Variants in IFT52 observed in about 807,000 individuals in gnomAD.
IFT52 encodes the protein intraflagellar transport protein 52 homolog.
A neutral mutation model predicts 54.4 loss-of-function variants in IFT52; 44 were observed. The observed-to-expected ratio is 0.81, with a 90% CI of 0.63 to 1.04. The LOEUF is 1.04. Ranked by LOEUF, IFT52 falls within the 50% of genes least tolerant of loss-of-function variation. The pLI is 0.00. For synonymous variants in IFT52, 181 were observed against 185.3 expected (o/e 0.98, Z 0.19); for missense variants, 452 against 523.6 (o/e 0.86, Z 1.33).
chr20:43,638,920 C>T (rs1301258649), intron 12 of IFT52, among the ~76,000 whole-genome samples: 2 of 152,144 alleles, frequency 1.3e-5, no homozygotes, highest in Non-Finnish European at 2.9e-5. Context: ...GGAAACAGTT[C>T]AGTGTAAACG....
chr20:43,646,794 G>A, intron 13 of IFT52, 142 bp from the exon 14 acceptor site: 1 of 713,096 alleles, frequency 1.4e-6, no homozygotes, highest in Non-Finnish European at 2.4e-6. Flanking sequence ...TCCTTGGGTT[G>A]GATTCAGCCC....
chr20:43,593,755 G>T (rs6093859), intron 1 of IFT52, among the ~76,000 whole-genome samples: 117,983 of 151,808 alleles, frequency 0.78, 46,176 homozygotes, highest in Non-Finnish European at 0.82. Context: ...GTAGAGATGT[G>T]GTTTTATCAT....
rs1177345951 is a variant in IFT52 at position 43,645,115 on chromosome 20, T to C, written c.1267-1821T>C. Among the ~76,000 whole-genome samples the C allele has an allele frequency of 7.0e-5, 4 of 56,932 alleles. 2 individuals carry two copies. Among genetic ancestry groups the C allele is most frequent in the Non-Finnish European group, 1.7e-4 (4 of 23,878 alleles). 37.3% of individuals were successfully genotyped at this position (56,932 alleles called of 152,430 possible). A position where few individuals can be genotyped will look rare whatever the true frequency, so the allele number is the denominator to read the frequency against. ...GAGTAAGACTCAAAAAAAAAAAAGT[T>C]TAAGGACTTGGGAATACATTCGTGA... is the stretch of plus-strand genomic sequence containing the variant. On this transcript the variant is annotated intron_variant, in intron 13 of 13. Coordinates refer to ENST00000373030, the MANE Select transcript of IFT52 (RefSeq NM_016004.5).
chr20:43,624,037 C>T lies in IFT52; in HGVS notation c.915C>T (p.Ser305=), dbSNP rs6017127. 9.7e-5 allele frequency: 156 copies of T among 1,614,030 alleles called. 1 individual carries two copies. Among genetic ancestry groups the T allele is most frequent in the South Asian group, 4.7e-4 (43 of 91,078 alleles). Residue 305 remains serine, a synonymous_variant, in exon 10 of 14, where the codon AGC becomes AGT. Coordinates refer to ENST00000373030, the MANE Select transcript of IFT52 (RefSeq NM_016004.5). ...IFQLDTTSFH[S]VIEAHEQLNV... ...AGCTGGATACCACCTCCTTCCACAGCGTCATCGAGTCAGTACCTGTGGGCC... is the reference window on the plus strand; with the variant it reads ...AGCTGGATACCACCTCCTTCCACAGTGTCATCGAGTCAGTACCTGTGGGCC...
chr20:43,611,441 CTTTTTTTTTTTT>C (rs11469500), intron 6 of IFT52, among the ~76,000 whole-genome samples: 1 of 55,078 alleles, frequency 1.8e-5, no homozygotes, highest in African/African-American at 7.9e-5. Context: ...AAATGTCAGT[CTTTTTTTTTTTT>C]TTTTTTTTTT....
chr20:43,635,842 A>G lies in IFT52; in HGVS notation c.924-84A>G, dbSNP rs930726148. 22 of 1,224,092 alleles carry G rather than the reference A, an allele frequency of 1.8e-5. No homozygotes were observed. In the East Asian group the frequency reaches 4.7e-4, roughly 26 times the overall value. 75.8% of individuals were successfully genotyped at this position (1,224,092 alleles called of 1,614,324 possible). A position where few individuals can be genotyped will look rare whatever the true frequency, so the allele number is the denominator to read the frequency against. The stretch of plus-strand genomic sequence containing the variant: ...AAATAGTACTGAACCACTGTATTTC[A>G]TGGAGAACAACACAGTGTGGTCAGT... On this transcript the variant is annotated intron_variant, in intron 10 of 13. Transcript: ENST00000373030.
intron 12 of IFT52, 39 bp from the exon 13 acceptor site, chr20:43,642,440 A>T (rs1160576421): frequency 6.2e-7 from 1 of 1,600,564 alleles, no homozygotes; most frequent in Non-Finnish European, 8.5e-7. Flanking sequence ...GAAGGGCAGA[A>T]GTTAAGAATT....
At chr20:43,632,794 A>G (rs1985262093) in intron 10 of IFT52, among the ~76,000 whole-genome samples, 1 of 152,306 alleles carries the variant, frequency 6.6e-6, no homozygotes, top group Non-Finnish European at 1.5e-5. Flanking sequence ...TTTGACTCCT[A>G]TCTCTTAATG....
At position 43,642,605 on chromosome 20, in the gene IFT52, A is replaced by G. The variant is rs916018359; in HGVS notation, c.1247A>G (p.Glu416Gly). ...GAGCACGTCTTCTTCCAAGTGGTGG[A>G]GTTCAAGAAATTGAACCAGGTACAG... ...ILEHVFFQVV[E>G]FKKLNQEHDI... The change falls in exon 13 of 14, where the codon GAG (glutamate) becomes GGG (glycine). Residue 416 changes from glutamate (E) to glycine (G), a missense_variant. By Grantham distance (98) the Glu-to-Gly change is moderately conservative. Transcript: ENST00000373030. The G allele has an allele frequency of 6.2e-7, 1 of 1,614,158 alleles. No homozygotes were observed. The highest frequency in any genetic ancestry group is 1.7e-5 in the Admixed American group (1 of 60,016).
At chr20:43,614,735 T>C (rs1235570983) in intron 7 of IFT52, among the ~76,000 whole-genome samples, 1 of 152,028 alleles carries the variant, frequency 6.6e-6, no homozygotes, top group Non-Finnish European at 1.5e-5. Context: ...CCAGTTATTA[T>C]CCTAGAGACC....
intron 7 of IFT52, among the ~76,000 whole-genome samples, chr20:43,614,191 T>G (rs1568747910): frequency 6.6e-6 from 1 of 152,192 alleles, no homozygotes; most frequent in Non-Finnish European, 1.5e-5. Context: ...GCTCTTATTA[T>G]TCTAAACCCG....
chr20:43,609,967 T>A (rs141636894), intron 6 of IFT52, among the ~76,000 whole-genome samples: 7,568 of 149,950 alleles, frequency 0.05, 477 homozygotes, highest in African/African-American at 0.14. Flanking sequence ...AAAATAAAAT[T>A]AAATTAAATT....
chr20:43,626,022 GAAA>G (rs11403788), intron 10 of IFT52, among the ~76,000 whole-genome samples: 4 of 96,684 alleles, frequency 4.1e-5, no homozygotes, highest in African/African-American at 1.2e-4. Flanking sequence ...CTTGTCTCCG[GAAA>G]AAAAAAAAAA....
At position 43,647,087 on chromosome 20, in the gene IFT52, C is replaced by T; in HGVS notation, c.*104C>T. On this transcript the variant is annotated 3_prime_UTR_variant, in exon 14 of 14. Coordinates refer to ENST00000373030, the MANE Select transcript of IFT52 (RefSeq NM_016004.5). ...ATCAAAATTGTTTATACACTCTTTCCTCCATGAGCTCTGGAAGGTATATGC... is the reference window on the plus strand; with the variant it reads ...ATCAAAATTGTTTATACACTCTTTCTTCCATGAGCTCTGGAAGGTATATGC... 1.0e-6 allele frequency: 1 copy of T among 975,136 alleles called. No individual in the cohort carries two copies. The highest frequency in any genetic ancestry group is 1.7e-6 in the Non-Finnish European group (1 of 605,892). 60.4% of individuals were successfully genotyped at this position (975,136 alleles called of 1,614,324 possible). A position where few individuals can be genotyped will look rare whatever the true frequency, so the allele number is the denominator to read the frequency against.
intron 12 of IFT52, among the ~76,000 whole-genome samples, chr20:43,640,112 TA>T (rs1985814491): frequency 6.6e-6 from 1 of 151,926 alleles, no homozygotes; most frequent in Non-Finnish European, 1.5e-5. Flanking sequence ...TGCAGTGAGC[TA>T]AGATTGTGCC....
intron 3 of IFT52, among the ~76,000 whole-genome samples, chr20:43,602,750 T>G (rs1405258260): frequency 1.3e-5 from 2 of 152,108 alleles, no homozygotes; most frequent in African/African-American, 4.8e-5. Context: ...CCTCAAGTGA[T>G]CCGCCTACCT....
intron 10 of IFT52, 29 bp downstream of exon 10, chr20:43,624,074 C>G (rs1014995128): frequency 1.9e-6 from 3 of 1,608,360 alleles, no homozygotes; most frequent in Non-Finnish European, 2.6e-6. Flanking sequence ...CTGAGCCACA[C>G]TGCACTCCAT....
intron 6 of IFT52, among the ~76,000 whole-genome samples, chr20:43,605,378 C>G (rs1042005367): frequency 6.6e-6 from 1 of 152,142 alleles, no homozygotes; most frequent in African/African-American, 2.4e-5. Context: ...AAAATCCCAT[C>G]TCTACTAAAA....
intron 10 of IFT52, among the ~76,000 whole-genome samples, chr20:43,629,213 A>G (rs1218224593): frequency 6.6e-6 from 1 of 152,152 alleles, no homozygotes; most frequent in Non-Finnish European, 1.5e-5. Context: ...TAATTAGCTT[A>G]TTTTGTAAAA....
Sources: allele counts gnomAD v4.1 joint callset (sites outside exome capture counted in the v4.1 genomes callset), GRCh38; gene constraint gnomAD v4.1.1; transcripts MANE v1.5; gene names NCBI Gene and HGNC (gene_info 2026-07-23, HGNC 2026-07-21).